PDS5A: variants seen among roughly 807,000 people sequenced by gnomAD.
The protein encoded by PDS5A is sister chromatid cohesion protein PDS5 homolog A.
PDS5A carries 42 observed loss-of-function variants against 167.1 expected under a neutral mutation model. The observed-to-expected ratio is 0.25, with a 90% confidence interval of 0.20 to 0.33. PDS5A has a LOEUF of 0.33. Ranked by LOEUF, PDS5A falls within the 10% of genes least tolerant of loss-of-function variation. The pLI, the probability that PDS5A is intolerant of heterozygous loss-of-function variation, is 1.00. For missense variants in PDS5A, 1,033 were observed against 1,605.9 expected, an observed-to-expected ratio of 0.64 and a Z score of 6.10; for synonymous variants, 553 against 554.6, an observed-to-expected ratio of 1.00 and a Z score of 0.04.
intron 3 of PDS5A, 106 bp downstream of exon 3, chr4:39,927,855 A>G: frequency 1.4e-6 from 1 of 739,682 alleles, no homozygotes; most frequent in Non-Finnish European, 2.2e-6. Context: ...AGATGAAGAG[A>G]CTAATATGAA....
At chr4:39,952,584 T>C (rs1728514838) in intron 2 of PDS5A, among the ~76,000 whole-genome samples, 1 of 152,058 alleles carries the variant, frequency 6.6e-6, no homozygotes, top group Admixed American at 6.6e-5. Flanking sequence ...AATAGTAAAG[T>C]GGAATAGCTT....
rs1455533200 is a variant in PDS5A, at chr4:39,909,738, C to T, written c.1087+506G>A. Reference sequence around the variant, plus strand: ...GCTGATAAAAACCACTTATGTGCTGCTACCAAAAAGGTAGATTTAAATGCT... The same window carrying T: ...GCTGATAAAAACCACTTATGTGCTGTTACCAAAAAGGTAGATTTAAATGCT... On this transcript the variant is annotated intron_variant, in intron 10 of 32. Transcript: ENST00000303538. Among the ~76,000 whole-genome samples the T allele has an allele frequency of 3.9e-5, 6 of 152,204 alleles. No individual in the cohort carries two copies. The South Asian group carries it at 6.2e-4, about 16-fold the overall frequency.
chr4:39,825,652 C>A (rs143565308), intron 32 of PDS5A, among the ~76,000 whole-genome samples, 164 bp from the exon 33 acceptor site: 1 of 151,370 alleles, frequency 6.6e-6, no homozygotes, highest in Non-Finnish European at 1.5e-5. Context: ...TACAGTGGCA[C>A]GATCATGGCT....
intron 2 of PDS5A, chr4:39,973,641 C>T (rs929922352): frequency 3.8e-6 from 5 of 1,315,954 alleles, no homozygotes; most frequent in Admixed American, 1.7e-5. Context: ...CAGAAATGAA[C>T]GGTAGAACTG....
At chr4:39,948,226 A>AAAAG (rs928386931) in intron 2 of PDS5A, among the ~76,000 whole-genome samples, 24 of 146,580 alleles carry the variant, frequency 1.6e-4, no homozygotes, top group East Asian at 4.1e-4. Context: ...AAAAAAAAAA[A>AAAAG]AAAGAAAGAA....
chr4:39,838,990 G>C (rs909392005), intron 31 of PDS5A, among the ~76,000 whole-genome samples: 10 of 151,838 alleles, frequency 6.6e-5, no homozygotes, highest in African/African-American at 2.4e-4. Context: ...CTCTGTCTTG[G>C]GGGGAAAAAA....
chr4:39,938,697 C>T (rs745999591), intron 2 of PDS5A, among the ~76,000 whole-genome samples: 1 of 152,200 alleles, frequency 6.6e-6, no homozygotes, highest in African/African-American at 2.4e-5. Flanking sequence ...TTAGGCCAGG[C>T]GCAGTAGCTC....
At chr4:39,837,705 A>G in intron 32 of PDS5A, 151 bp downstream of exon 32, 1 of 561,160 alleles carries the variant, frequency 1.8e-6, no homozygotes, top group Non-Finnish European at 3.1e-6. Flanking sequence ...TTATGAGATA[A>G]TAACAGATGC....
chr4:39,902,538 TTG>T (rs1357600442), intron 12 of PDS5A, 78 bp from the exon 13 acceptor site: 25 of 691,012 alleles, frequency 3.6e-5, no homozygotes, highest in African/African-American at 5.5e-5. Flanking sequence ...TTTTTTTTTT[TTG>T]GAGACAGGGT....
chr4:39,856,509 C>T (rs1269674501), intron 26 of PDS5A, among the ~76,000 whole-genome samples: 3 of 152,188 alleles, frequency 2.0e-5, no homozygotes, highest in Admixed American at 6.5e-5. Context: ...TCACTTCTTT[C>T]ATACATGATT....
In PDS5A at chr4:39,927,580, G is replaced by C. The variant is rs188164719; in HGVS notation, c.342+381C>G. ...AGATGAGCATATAGTTTTGCATGCT[G>C]AATAACTTATAGGGGAAAATAGTCA... is the stretch of plus-strand genomic sequence containing the variant. On this transcript the variant is annotated intron_variant, in intron 3 of 32. Transcript: ENST00000303538. 1.1e-4 allele frequency among the ~76,000 whole-genome samples: 17 copies of C among 152,268 alleles called. No homozygotes were observed. The East Asian group carries it at 3.3e-3, about 29-fold the overall frequency.
chr4:39,882,844 T>C (rs1182924888), intron 17 of PDS5A, among the ~76,000 whole-genome samples: 3 of 152,128 alleles, frequency 2.0e-5, no homozygotes, highest in Non-Finnish European at 4.4e-5. Context: ...GCTATCATGA[T>C]GAAAAAGACG....
At chr4:39,976,648 A>T in intron 1 of PDS5A, 31 bp from the exon 2 acceptor site, 1 of 1,195,066 alleles carries the variant, frequency 8.4e-7, no homozygotes, top group African/African-American at 1.5e-5. Context: ...GTTCAGCGGG[A>T]AAGGGGCGAC....
intron 26 of PDS5A, among the ~76,000 whole-genome samples, chr4:39,858,598 C>G (rs1718727046): frequency 6.6e-6 from 1 of 152,104 alleles, no homozygotes; most frequent in Non-Finnish European, 1.5e-5. Flanking sequence ...GAGCTAAAAA[C>G]TATAAGTCAT....
At chr4:39,912,134 T>C (rs1360026047) in intron 9 of PDS5A, among the ~76,000 whole-genome samples, 2 of 152,200 alleles carry the variant, frequency 1.3e-5, no homozygotes, top group Non-Finnish European at 2.9e-5. Flanking sequence ...AGAAAAATTA[T>C]ACATTATTAA....
intron 31 of PDS5A, among the ~76,000 whole-genome samples, chr4:39,841,521 T>C (rs1717016002): frequency 1.3e-5 from 2 of 151,694 alleles, no homozygotes. Context: ...AAATTTTTTT[T>C]TTTTTTTTGG....
intron 2 of PDS5A, chr4:39,973,159 ACTG>A: frequency 1.0e-6 from 1 of 970,822 alleles, no homozygotes; most frequent in Non-Finnish European, 1.7e-6. Flanking sequence ...GGCACTGTTA[ACTG>A]CTTTCTGGGT....
intron 2 of PDS5A, among the ~76,000 whole-genome samples, chr4:39,931,573 T>C (rs1726068600): frequency 6.6e-5 from 10 of 152,170 alleles, no homozygotes; most frequent in Admixed American, 6.5e-4. Context: ...AAGGCTTCAG[T>C]TCCACACTAC....
intron 2 of PDS5A, among the ~76,000 whole-genome samples, chr4:39,934,621 T>TC (rs1726405157): frequency 1.1e-5 from 1 of 87,184 alleles, no homozygotes; most frequent in African/African-American, 3.2e-5. Context: ...TTTTCTTTTT[T>TC]TTTTTTTTTT....
Sources: allele counts gnomAD v4.1 joint callset (sites outside exome capture counted in the v4.1 genomes callset), GRCh38; gene constraint gnomAD v4.1.1; transcripts MANE v1.5; gene names NCBI Gene and HGNC (gene_info 2026-07-23, HGNC 2026-07-21).